Variants in PPP2R5E observed in about 807,000 individuals in gnomAD.
The protein encoded by PPP2R5E is serine/threonine-protein phosphatase 2A 56 kDa regulatory subunit epsilon isoform.
In PPP2R5E, 4 loss-of-function variants were observed where a neutral mutation model predicts 65.3. The observed-to-expected ratio is 0.06, with a 90% confidence interval of 0.03 to 0.14. PPP2R5E has a LOEUF of 0.14. Among genes scored for constraint, PPP2R5E ranks in the 10% least tolerant of loss-of-function variants. The pLI is 1.00. For missense variants in PPP2R5E, 274 were observed against 556.1 expected (o/e 0.49, Z 5.10); for synonymous variants, 183 against 187.4 (o/e 0.98, Z 0.19).
chr14:63,380,905 A>G (rs999389571), intron 13 of PPP2R5E, among the ~76,000 whole-genome samples: 7 of 152,100 alleles, frequency 4.6e-5, no homozygotes, highest in Non-Finnish European at 1.0e-4. Flanking sequence ...CTTTTTATCA[A>G]TAAAATGCAA....
intron 3 of PPP2R5E, among the ~76,000 whole-genome samples, chr14:63,424,166 G>A (rs1245618143): frequency 1.3e-5 from 2 of 152,182 alleles, no homozygotes; most frequent in Non-Finnish European, 2.9e-5. Flanking sequence ...GATATATGAT[G>A]TGAAAGAACT....
intron 2 of PPP2R5E, among the ~76,000 whole-genome samples, chr14:63,525,935 CA>C (rs1893167949): frequency 6.6e-6 from 1 of 152,218 alleles, no homozygotes; most frequent in Non-Finnish European, 1.5e-5. Flanking sequence ...CAGCTCACTG[CA>C]ACCTCCGCCG....
intron 5 of PPP2R5E, among the ~76,000 whole-genome samples, chr14:63,402,508 C>CA (rs1044220991): frequency 7.3e-5 from 11 of 151,426 alleles, no homozygotes; most frequent in Admixed American, 5.3e-4. Flanking sequence ...CTAGGAGTAC[C>CA]AAAAAAAATT....
chr14:63,416,123 TACA>T (rs1277606019), intron 4 of PPP2R5E, among the ~76,000 whole-genome samples: 1 of 152,196 alleles, frequency 6.6e-6, no homozygotes, highest in Non-Finnish European at 1.5e-5. Context: ...TGTCAAAGGC[TACA>T]TCAGATCCTG....
chr14:63,527,278 C>T (rs527641519), intron 2 of PPP2R5E, among the ~76,000 whole-genome samples: 17 of 152,164 alleles, frequency 1.1e-4, no homozygotes, highest in Non-Finnish European at 1.6e-4. Flanking sequence ...ATTCCAGAAA[C>T]AAGAAATCTG....
intron 2 of PPP2R5E, among the ~76,000 whole-genome samples, chr14:63,461,826 T>C (rs1215726932): frequency 7.0e-6 from 1 of 143,570 alleles, no homozygotes; most frequent in African/African-American, 2.8e-5. Context: ...AAAAGGAGGG[T>C]TAGCAATTAC....
At chr14:63,464,972 G>A (rs572136227) in intron 2 of PPP2R5E, among the ~76,000 whole-genome samples, 9 of 150,804 alleles carry the variant, frequency 6.0e-5, no homozygotes, top group Admixed American at 3.3e-4. Context: ...GCAACGAGCC[G>A]AAATTGTGCC....
chr14:63,537,174 A>G (rs535193424), intron 2 of PPP2R5E, among the ~76,000 whole-genome samples: 268 of 152,202 alleles, frequency 1.8e-3, no homozygotes, highest in Non-Finnish European at 2.8e-3. Context: ...GTGAAGTCCT[A>G]ATTTAATTGT....
At position 63,542,701 on chromosome 14, in the gene PPP2R5E, G is replaced by A. The variant is rs117303002; in HGVS notation, c.-8+78C>T. The stretch of plus-strand genomic sequence containing the variant: ...GCCCGGCCAGGCCTTCCCAAGGCCG[G>A]TGCCCCATAGGTTCCCCAGGAGGAC... On this transcript the variant is annotated intron_variant, in intron 1 of 13. Transcript: ENST00000337537. 1,055 of 153,076 alleles carry A rather than the reference G, an allele frequency of 6.9e-3. 66 individuals carry two copies. In the East Asian group the frequency reaches 0.15, roughly 21 times the overall value. 9.5% of individuals were successfully genotyped at this position (153,076 alleles called of 1,614,324 possible).
chr14:63,469,808 T>A (rs1192087860), intron 2 of PPP2R5E, among the ~76,000 whole-genome samples: 1 of 152,334 alleles, frequency 6.6e-6, no homozygotes, highest in Admixed American at 6.5e-5. Context: ...TATCCTCCCA[T>A]TAAAATCTTA....
At chr14:63,440,528 G>A (rs1277715528) in intron 3 of PPP2R5E, among the ~76,000 whole-genome samples, 1 of 151,912 alleles carries the variant, frequency 6.6e-6, no homozygotes, top group Non-Finnish European at 1.5e-5. Context: ...TACTTTTTTA[G>A]AAGAGCTCAA....
At chr14:63,431,247 A>G (rs1206876290) in intron 3 of PPP2R5E, among the ~76,000 whole-genome samples, 1 of 151,608 alleles carries the variant, frequency 6.6e-6, no homozygotes, top group Non-Finnish European at 1.5e-5. Context: ...CAGCCTGGCG[A>G]CAGAGCTAGA....
intron 5 of PPP2R5E, among the ~76,000 whole-genome samples, chr14:63,400,715 C>A (rs1461857407): frequency 7.6e-5 from 1 of 13,230 alleles, no homozygotes; most frequent in Non-Finnish European, 2.2e-4. Flanking sequence ...AAAAAGGCCC[C>A]ATATAGACTC....
chr14:63,488,170 G>T (rs2180875), intron 2 of PPP2R5E, among the ~76,000 whole-genome samples: 6 of 151,760 alleles, frequency 4.0e-5, no homozygotes, highest in African/African-American at 1.5e-4. Flanking sequence ...TTGCTACTTA[G>T]CAGGCATTTA....
intron 3 of PPP2R5E, among the ~76,000 whole-genome samples, chr14:63,448,654 T>A (rs1361088568): frequency 6.6e-6 from 1 of 152,072 alleles, no homozygotes; most frequent in East Asian, 1.9e-4. Context: ...CCAGGCGTGG[T>A]GGCTCCCGTG....
intron 11 of PPP2R5E, among the ~76,000 whole-genome samples, chr14:63,387,315 T>C (rs1289299433): frequency 6.6e-6 from 1 of 152,176 alleles, no homozygotes; most frequent in African/African-American, 2.4e-5. Flanking sequence ...GTAAACCCAC[T>C]AATAAAAGTA....
chr14:63,522,794 C>A (rs1267064344), intron 2 of PPP2R5E, among the ~76,000 whole-genome samples: 1 of 151,356 alleles, frequency 6.6e-6, no homozygotes, highest in Non-Finnish European at 1.5e-5. Flanking sequence ...CCGGCAGCCA[C>A]CCCGTCCAGG....
chr14:63,402,617 T>G (rs1885817853), intron 5 of PPP2R5E, among the ~76,000 whole-genome samples: 1 of 152,166 alleles, frequency 6.6e-6, no homozygotes, highest in South Asian at 2.1e-4. Flanking sequence ...AGGAAATTTT[T>G]TAAAAGCTTT....
chr14:63,394,047 A>T, intron 7 of PPP2R5E, 119 bp from the exon 8 acceptor site: 2 of 199,242 alleles, frequency 1.0e-5, no homozygotes, highest in Admixed American at 7.2e-5. Flanking sequence ...CATAATACCC[A>T]CCCCAGTGGC....
Sources: gnomAD v4.1 joint callset for allele counts (sites outside exome capture counted in the v4.1 genomes callset) on GRCh38, gnomAD v4.1.1 for gene constraint, MANE v1.5 for transcripts, NCBI Gene and HGNC (gene_info 2026-07-23, HGNC 2026-07-21) for gene names.